The following AKAP11 variants were observed in gnomAD, a reference collection of about 807,000 sequenced individuals.
The protein encoded by AKAP11 is A-kinase anchor protein 11.
A neutral mutation model predicts 146.1 loss-of-function variants in AKAP11; 36 were observed. That is an observed-to-expected ratio of 0.25 (90% confidence interval 0.19 to 0.33). AKAP11 has a LOEUF of 0.33. AKAP11 is among the 10% of genes least tolerant of loss of function. The pLI is 1.00. For missense variants in AKAP11, 2,201 were observed against 2,197.0 expected (o/e 1.00, Z -0.04); for synonymous variants, 780 against 786.5 (o/e 0.99, Z 0.14).
intron 9 of AKAP11, among the ~76,000 whole-genome samples, chr13:42,308,992 G>A (rs1960421791): frequency 6.6e-6 from 1 of 152,002 alleles, no homozygotes; most frequent in South Asian, 2.1e-4. Context: ...AAGTAGCCCT[G>A]TACTTTTCCT....
intron 8 of AKAP11, among the ~76,000 whole-genome samples, chr13:42,307,306 A>G (rs1452663141): frequency 6.6e-6 from 1 of 152,146 alleles, no homozygotes; most frequent in African/African-American, 2.4e-5. Flanking sequence ...AAGTAAGTAA[A>G]ACAGGCAAAA....
rs1959859922 is a variant in AKAP11, at chr13:42,301,004, T to G, written c.2258T>G (p.Val753Gly). 6.2e-7 allele frequency: 1 copy of G among 1,614,112 alleles called. No homozygotes were observed. Among genetic ancestry groups the G allele is most frequent in the Non-Finnish European group, 8.5e-7 (1 of 1,179,962 alleles). Residue 753 changes from valine (V) to glycine (G), a missense_variant, in exon 8 of 13, where the codon GTG becomes GGG. Physicochemically the swap from Val to Gly is moderately radical, Grantham distance 109 (BLOSUM62 -3). Transcript: ENST00000025301. ...TCTTTTCACAATCAAGCAATTATGG[T>G]GACAAAACCAGTGCAGGAATATAAA... is the stretch of plus-strand genomic sequence containing the variant. Reference protein sequence around the residue: ...SPSFHNQAIMVTKPVQEYKKE... With the variant: ...SPSFHNQAIMGTKPVQEYKKE...
At position 42,300,026 on chromosome 13, in the gene AKAP11, T is replaced by C. The variant is rs1466290623; in HGVS notation, c.1280T>C (p.Leu427Pro). ...PRKPESPYGN[L>P]CDAPDSPRPV... ...AAACCAGAATCTCCATATGGTAACC[T>C]GTGTGATGCTCCGGATTCTCCTCGC... The change falls in exon 8 of 13, where the codon CTG becomes CCG. Residue 427 changes from leucine (L) to proline (P), a missense_variant. Transcript: ENST00000025301. 1 of 1,613,954 alleles carries C rather than the reference T, an allele frequency of 6.2e-7. No homozygotes were observed. Among genetic ancestry groups the C allele is most frequent in the Non-Finnish European group, 8.5e-7 (1 of 1,179,856 alleles).
intron 5 of AKAP11, 135 bp downstream of exon 5, chr13:42,295,877 A>G: frequency 1.4e-6 from 1 of 692,452 alleles, no homozygotes; most frequent in Non-Finnish European, 2.5e-6. Flanking sequence ...TATAATACAG[A>G]ATGTATGACT....
rs568588093 is a variant in AKAP11 at position 42,301,783 on chromosome 13, T to C, written c.3037T>C (p.Ser1013Pro). The change falls in exon 8 of 13, where the codon TCT (serine) becomes CCT (proline). Residue 1013 changes from serine to proline, a missense_variant. Coordinates refer to ENST00000025301, the MANE Select transcript of AKAP11 (RefSeq NM_016248.4). Reference sequence around the variant, plus strand: ...GGATTGTGTTCCAGAATGTAAAGTTTCTATGGTTCATGGATCCTCCCTAGA... The same window carrying C: ...GGATTGTGTTCCAGAATGTAAAGTTCCTATGGTTCATGGATCCTCCCTAGA... ...AKDCVPECKV[S>P]MVHGSSLETL... The C allele has an allele frequency of 1.9e-6, 3 of 1,614,154 alleles. No homozygotes were observed. The highest frequency in any genetic ancestry group is 2.2e-5 in the East Asian group (1 of 44,892).
intron 12 of AKAP11, 102 bp downstream of exon 12, chr13:42,317,790 A>C: frequency 7.5e-7 from 1 of 1,337,132 alleles, no homozygotes; most frequent in Non-Finnish European, 1.0e-6. Flanking sequence ...TTAAATTCTT[A>C]GGCTGTAGTG....
chr13:42,299,919 T>C lies in AKAP11; in HGVS notation c.1173T>C (p.His391=). ...GKSSQRKGHK[H]GKSCMNPQKF... ...CATCGCAGAGGAAAGGGCACAAACA[T>C]GGAAAGTCATGTATGAATCCTCAAA... is the stretch of plus-strand genomic sequence containing the variant. Residue 391 remains histidine, a synonymous_variant, in exon 8 of 13, where the codon CAT becomes CAC. Coordinates refer to ENST00000025301, the MANE Select transcript of AKAP11 (RefSeq NM_016248.4). 1 of 1,613,946 alleles carries C rather than the reference T, an allele frequency of 6.2e-7. No homozygotes were observed. Among genetic ancestry groups the C allele is most frequent in the Admixed American group, 1.7e-5 (1 of 59,994 alleles).
At position 42,308,482 on chromosome 13, in the gene AKAP11, A is replaced by G. The variant is rs200955152; in HGVS notation, c.5146A>G (p.Thr1716Ala). 6.2e-6 allele frequency: 10 copies of G among 1,603,232 alleles called. No individual in the cohort carries two copies. The highest frequency in any genetic ancestry group is 1.3e-5 in the African/African-American group (1 of 74,882). The change falls in exon 9 of 13, where the codon ACC (threonine) becomes GCC (alanine). Residue 1716 changes from threonine (T) to alanine (A), a missense_variant. Physicochemically the swap from Thr to Ala is moderately conservative, Grantham distance 58 (BLOSUM62 0). This residue lies in a region of AKAP11 where 1,867 missense variants were observed against 1,833.5 expected (regional missense o/e 1.02). Transcript: ENST00000025301. ...AAAAGAAATAGAAGACTTTCAGTCA[A>G]CCGAGTCTGTCAGTAGCCAGCAGAT... ...SSKEIEDFQS[T>A]ESVSSQQMNL...
chr13:42,296,380 G>C (rs939365609), intron 5 of AKAP11, among the ~76,000 whole-genome samples: 1 of 152,154 alleles, frequency 6.6e-6, no homozygotes, highest in African/African-American at 2.4e-5. Flanking sequence ...TAGCTGGAAA[G>C]AGAAGTATTC....
chr13:42,285,164 T>C (rs1229176803), intron 1 of AKAP11, among the ~76,000 whole-genome samples: 5 of 152,248 alleles, frequency 3.3e-5, no homozygotes, highest in Non-Finnish European at 7.3e-5. Flanking sequence ...TATAAATTTA[T>C]GTTAACCAAA....
rs909409733 is a variant in AKAP11 at position 42,289,275 on chromosome 13, A to G, written c.51+2876A>G. ...CTCATTCACCTTAGATGAACTATATAATATCTCCTATAGAGGCAGGGCAAA... is the reference window on the plus strand; with the variant it reads ...CTCATTCACCTTAGATGAACTATATGATATCTCCTATAGAGGCAGGGCAAA... On this transcript the variant is annotated intron_variant, in intron 3 of 12. Coordinates refer to ENST00000025301, the MANE Select transcript of AKAP11 (RefSeq NM_016248.4). Among the ~76,000 whole-genome samples the G allele has an allele frequency of 1.1e-4, 16 of 152,150 alleles. No individual in the cohort carries two copies. In the East Asian group the frequency reaches 3.1e-3, roughly 29 times the overall value.
At chr13:42,316,956 C>T (rs1052568792) in intron 11 of AKAP11, among the ~76,000 whole-genome samples, 1 of 152,206 alleles carries the variant, frequency 6.6e-6, no homozygotes, top group Admixed American at 6.5e-5. Flanking sequence ...CGGATCACTG[C>T]AACCTCTGCC....
Position 42,300,430 on chromosome 13 carries a change from T to G in AKAP11, c.1684T>G (p.Phe562Val), listed in dbSNP as rs773373554. The change falls in exon 8 of 13, where the codon TTT (phenylalanine) becomes GTT (valine). Residue 562 changes from phenylalanine to valine, a missense_variant. Phe to Val is a conservative substitution (Grantham distance 50). Around this residue, in one of 3 missense-constraint regions of AKAP11, gnomAD observed 1,867 missense variants for 1,833.5 expected, o/e 1.02. Coordinates refer to ENST00000025301, the MANE Select transcript of AKAP11 (RefSeq NM_016248.4). ...KFAADLVEKSFGSAFKDLQKG... is the reference protein window; with the variant it reads ...KFAADLVEKSVGSAFKDLQKG... ...TGCAGCAGATCTTGTGGAAAAAAGT[T>G]TTGGCAGTGCATTTAAAGACTTACA... 6.2e-6 allele frequency: 10 copies of G among 1,613,684 alleles called. No homozygotes were observed. In the South Asian group the frequency reaches 7.7e-5, roughly 12 times the overall value.
intron 8 of AKAP11, among the ~76,000 whole-genome samples, chr13:42,305,997 G>A (rs1467197884): frequency 6.6e-6 from 1 of 152,102 alleles, no homozygotes; most frequent in Non-Finnish European, 1.5e-5. Context: ...CAGCATGGAG[G>A]AAGCCGCCCT....
chr13:42,309,531 A>G (rs774790422), intron 9 of AKAP11, among the ~76,000 whole-genome samples: 12 of 152,202 alleles, frequency 7.9e-5, no homozygotes, highest in Non-Finnish European at 1.5e-4. Flanking sequence ...TTCACCTGAT[A>G]GAACACTTCA....
At chr13:42,313,846 TATTA>T (rs1159779078) in intron 10 of AKAP11, 44 bp from the exon 11 acceptor site, 8 of 1,553,098 alleles carry the variant, frequency 5.2e-6, no homozygotes, top group Admixed American at 5.1e-5. Context: ...TTGATACCAT[TATTA>T]ATTAAATTTT....
chr13:42,302,665 G>A lies in AKAP11; in HGVS notation c.3919G>A (p.Glu1307Lys), dbSNP rs1960005210. 6.2e-7 allele frequency: 1 copy of A among 1,614,166 alleles called. No homozygotes were observed. Among genetic ancestry groups the A allele is most frequent in the Non-Finnish European group, 8.5e-7 (1 of 1,180,032 alleles). Residue 1307 changes from glutamate (E) to lysine (K), a missense_variant, in exon 8 of 13, where the codon GAG becomes AAG. Coordinates refer to ENST00000025301, the MANE Select transcript of AKAP11 (RefSeq NM_016248.4). ...TAAAGTAGAAGAGAAGTTGGATATA[G>A]AGGCTGTAGTGCACCCAAGAGAAGT... is the stretch of plus-strand genomic sequence containing the variant. ...DYKVEEKLDI[E>K]AVVHPREVDP...
chr13:42,302,844 G>C lies in AKAP11; in HGVS notation c.4098G>C (p.Gln1366His). 6.2e-7 allele frequency: 1 copy of C among 1,614,072 alleles called. No individual in the cohort carries two copies. The highest frequency in any genetic ancestry group is 8.5e-7 in the Non-Finnish European group (1 of 1,180,010). ...GTAATAGTGAGTTGATAATGGATCA[G>C]TATGCCAATAGGCTTGCCTACCGAT... ...EGGNSELIMD[Q>H]YANRLAYRSV... Residue 1366 changes from glutamine (Q) to histidine (H), a missense_variant, in exon 8 of 13, where the codon CAG (glutamine) becomes CAC (histidine). Around this residue, in one of 3 missense-constraint regions of AKAP11, gnomAD observed 1,867 missense variants for 1,833.5 expected, o/e 1.02. Coordinates refer to ENST00000025301, the MANE Select transcript of AKAP11 (RefSeq NM_016248.4).
chr13:42,298,899 T>G, intron 7 of AKAP11, 102 bp downstream of exon 7: 1 of 1,215,864 alleles, frequency 8.2e-7, no homozygotes, highest in Non-Finnish European at 1.1e-6. Flanking sequence ...TGTTGAGATT[T>G]GATTCAATTT....
Sources: allele counts gnomAD v4.1 joint callset (sites outside exome capture counted in the v4.1 genomes callset), GRCh38; gene constraint gnomAD v4.1.1; regional missense constraint gnomAD v4.1.1; transcripts MANE v1.5; gene names NCBI Gene and HGNC (gene_info 2026-07-23, HGNC 2026-07-21).